The following C10orf71 variants were observed in gnomAD, a reference collection of about 807,000 sequenced individuals.
C10orf71 encodes the protein cardiac-enriched FHL2-interacting protein.
For synonymous variants in C10orf71, 758 were observed against 726.3 expected, an observed-to-expected ratio of 1.04 and a Z score of -0.70; for missense variants, 1,869 against 1,804.5, an observed-to-expected ratio of 1.04 and a Z score of -0.65.
chr10:49,324,629 A>G lies in C10orf71; in HGVS notation c.2084A>G (p.Gln695Arg). ...EAGLQNTHLN[Q>R]KFFPGPLSPE... is the part of the protein sequence containing the mutation. ...GGACTTCAGAACACACATTTGAACC[A>G]GAAATTCTTCCCAGGGCCCCTCTCT... Residue 695 changes from glutamine to arginine, a missense_variant, in exon 3 of 3, where the codon CAG (glutamine) becomes CGG (arginine). Coordinates refer to ENST00000374144, the MANE Select transcript of C10orf71 (RefSeq NM_001135196.2). 6.2e-7 allele frequency: 1 copy of G among 1,613,910 alleles called. No individual in the cohort carries two copies. The highest frequency in any genetic ancestry group is 8.5e-7 in the Non-Finnish European group (1 of 1,179,852).
Position 49,326,653 on chromosome 10 carries a change from G to T in C10orf71, c.4108G>T (p.Ala1370Ser). 1 of 1,550,200 alleles carries T rather than the reference G, an allele frequency of 6.5e-7. No individual in the cohort carries two copies. Among genetic ancestry groups the T allele is most frequent in the South Asian group, 1.2e-5 (1 of 84,046 alleles). ...CAGGCAGGGCCCTCGTGCCTCCGCG[G>T]CCCGCGCCAGGACCCAGAGTGTCCA... ...FLRQGPRASA[A>S]RARTQSVHES... The change falls in exon 3 of 3, where the codon GCC becomes TCC. Residue 1370 changes from alanine (A) to serine (S), a missense_variant. Ala to Ser is a moderately conservative substitution (Grantham distance 99). Transcript: ENST00000374144.
At chr10:49,316,988 A>G (rs1199759390) in intron 2 of C10orf71, among the ~76,000 whole-genome samples, 1 of 152,224 alleles carries the variant, frequency 6.6e-6, no homozygotes, top group African/African-American at 2.4e-5. Flanking sequence ...TTGGGTAGAG[A>G]CTGCTTGGTT....
At chr10:49,306,276 A>G (rs1289571847) in intron 1 of C10orf71, among the ~76,000 whole-genome samples, 3 of 152,194 alleles carry the variant, frequency 2.0e-5, no homozygotes, top group Non-Finnish European at 4.4e-5. Flanking sequence ...ATTCCATGAA[A>G]ATTCCTGTGT....
intron 1 of C10orf71, among the ~76,000 whole-genome samples, chr10:49,314,498 T>A (rs1460816263): frequency 6.6e-6 from 1 of 151,220 alleles, no homozygotes; most frequent in African/African-American, 2.4e-5. Flanking sequence ...AGCAAGAGAG[T>A]TTTTTCACTG....
intron 2 of C10orf71, among the ~76,000 whole-genome samples, chr10:49,317,158 C>T (rs1849012485): frequency 6.6e-6 from 1 of 152,188 alleles, no homozygotes; most frequent in South Asian, 2.1e-4. Context: ...GGAGACTCCT[C>T]ACCATTTTGA....
chr10:49,321,974 C>A (rs779493718), intron 2 of C10orf71, among the ~76,000 whole-genome samples: 11 of 152,098 alleles, frequency 7.2e-5, no homozygotes, highest in Admixed American at 2.0e-4. Flanking sequence ...GAATATTAAC[C>A]CTTTATCAGA....
intron 1 of C10orf71, among the ~76,000 whole-genome samples, chr10:49,310,957 T>A (rs1041261172): frequency 1.3e-5 from 2 of 152,176 alleles, no homozygotes; most frequent in African/African-American, 4.8e-5. Context: ...TTATTTGAAA[T>A]TCACATTTCA....
chr10:49,308,247 C>T (rs1437602139), intron 1 of C10orf71, among the ~76,000 whole-genome samples: 1 of 152,238 alleles, frequency 6.6e-6, no homozygotes, highest in Non-Finnish European at 1.5e-5. Context: ...GATTTAGAGG[C>T]TCCTGCACAT....
At chr10:49,319,301 G>A (rs1849050679) in intron 2 of C10orf71, among the ~76,000 whole-genome samples, 1 of 151,694 alleles carries the variant, frequency 6.6e-6, no homozygotes, top group African/African-American at 2.4e-5. Flanking sequence ...ACAAGAGAAT[G>A]TTATGTAGCA....
chr10:49,315,794 C>T (rs886208948), intron 1 of C10orf71, among the ~76,000 whole-genome samples: 11 of 152,280 alleles, frequency 7.2e-5, no homozygotes, highest in African/African-American at 2.6e-4. Flanking sequence ...GACGGTTCAC[C>T]CCTGTAATCC....
At position 49,304,550 on chromosome 10, in the gene C10orf71, C is replaced by T. The variant is rs771009293; in HGVS notation, c.-248+5317C>T. ...CAGCTCTGCTTCTCTGCCTGTGTCA[C>T]GCAACCTCATGGCACCAGTTTGCAT... On this transcript the variant is annotated intron_variant, in intron 1 of 2. Coordinates refer to ENST00000374144, the MANE Select transcript of C10orf71 (RefSeq NM_001135196.2). 8.5e-5 allele frequency among the ~76,000 whole-genome samples: 13 copies of T among 152,206 alleles called. 1 individual carries two copies. Among genetic ancestry groups the T allele is most frequent in the Non-Finnish European group, 1.8e-4 (12 of 68,044 alleles).
In C10orf71 at chr10:49,324,132, TAAGGTTGATGGA is replaced by T. The variant is rs760558125; in HGVS notation, c.1591_1602del (p.Val531_Lys534del). On this transcript the variant is annotated inframe_deletion, in exon 3 of 3. Coordinates refer to ENST00000374144, the MANE Select transcript of C10orf71 (RefSeq NM_001135196.2). ...AAGTGCTTGATGAGAAAACTAGAGGTAAGGTTGATGGAAAGCAAGAACCTGTGAGCAACGGTG... is the reference window on the plus strand; with the variant it reads ...AAGTGCTTGATGAGAAAACTAGAGGTAAGCAAGAACCTGTGAGCAACGGTG... 2.5e-6 allele frequency: 4 copies of T among 1,613,822 alleles called. No homozygotes were observed. The Admixed American group carries it at 6.7e-5, about 27-fold the overall frequency.
intron 2 of C10orf71, among the ~76,000 whole-genome samples, chr10:49,318,608 A>T (rs931148556): frequency 2.0e-5 from 3 of 152,210 alleles, no homozygotes; most frequent in African/African-American, 7.2e-5. Flanking sequence ...CTGCCAATGA[A>T]TCAGCTTTGC....
At chr10:49,311,399 C>T (rs539009636) in intron 1 of C10orf71, among the ~76,000 whole-genome samples, 42 of 152,284 alleles carry the variant, frequency 2.8e-4, no homozygotes, top group African/African-American at 8.7e-4. Flanking sequence ...CCAGGAGCCC[C>T]GAGGAAGACA....
chr10:49,319,948 A>G (rs1260084334), intron 2 of C10orf71, among the ~76,000 whole-genome samples: 1 of 152,064 alleles, frequency 6.6e-6, no homozygotes, highest in Non-Finnish European at 1.5e-5. Flanking sequence ...TCAAATTCAT[A>G]AAGACAAAAA....
chr10:49,306,999 C>G (rs1001391775), intron 1 of C10orf71, among the ~76,000 whole-genome samples: 1 of 152,206 alleles, frequency 6.6e-6, no homozygotes, highest in African/African-American at 2.4e-5. Flanking sequence ...CTGCTTTCTC[C>G]CAAAATCTCT....
rs186444547 is a variant in C10orf71 at position 49,315,277 on chromosome 10, G to T, written c.-247-868G>T. On this transcript the variant is annotated intron_variant, in intron 1 of 2. Transcript: ENST00000374144. ...ATCCAGGAGCTACAAGCTGGGAAAG[G>T]TCTTATGGAAACCCCAAAGGTTTGC... Among the ~76,000 whole-genome samples, 5 of 152,316 alleles carry T rather than the reference G, an allele frequency of 3.3e-5. No individual in the cohort carries two copies. The East Asian group carries it at 9.6e-4, about 29-fold the overall frequency.
intron 2 of C10orf71, among the ~76,000 whole-genome samples, chr10:49,316,718 C>T (rs1470367025): frequency 1.3e-5 from 2 of 152,148 alleles, no homozygotes; most frequent in African/African-American, 2.4e-5. Context: ...GCTCCACCAC[C>T]AGCAAGGAAG....
intron 1 of C10orf71, among the ~76,000 whole-genome samples, chr10:49,313,920 A>T (rs573653316): frequency 6.6e-6 from 1 of 152,304 alleles, no homozygotes; most frequent in Admixed American, 6.5e-5. Context: ...TGCGGGGACC[A>T]TGGTGTGGGG....
Sources: allele counts gnomAD v4.1 joint callset (sites outside exome capture counted in the v4.1 genomes callset), GRCh38; gene constraint gnomAD v4.1.1; transcripts MANE v1.5; gene names NCBI Gene and HGNC (gene_info 2026-07-23, HGNC 2026-07-21).